The following AARS2 variants were observed in gnomAD, a reference collection of about 807,000 sequenced individuals.
AARS2 encodes alanine--tRNA ligase, mitochondrial.
AARS2 carries 78 observed loss-of-function variants against 119.7 expected under a neutral mutation model. The observed-to-expected ratio is 0.65, with a 90% CI of 0.54 to 0.79. The LOEUF (loss-of-function observed/expected upper bound fraction) is 0.79, where lower values mean the gene tolerates loss of function less well. AARS2 is among the 30% of genes least tolerant of loss of function. AARS2 has a pLI of 0.00. For missense variants in AARS2, 1,157 were observed against 1,291.3 expected (o/e 0.90, Z 1.59); for synonymous variants, 502 against 526.3 (o/e 0.95, Z 0.63).
chr6:44,313,246 G>A lies in AARS2; in HGVS notation c.78C>T (p.Ser26=). 6.3e-7 allele frequency: 1 copy of A among 1,581,252 alleles called. No individual in the cohort carries two copies. The highest frequency in any genetic ancestry group is 1.1e-5 in the South Asian group (1 of 87,596). The change falls in exon 1 of 22, where the codon AGC becomes AGT. Residue 26 remains serine, a synonymous_variant. Coordinates refer to ENST00000244571, the MANE Select transcript of AARS2 (RefSeq NM_020745.4). ...IRRSPAWRGL[S]HRPLSSEPPA... Reference sequence around the variant, plus strand: ...GGGGCTCCGATGAGAGCGGCCGATGGCTGAGGCCCCGCCATGCGGGCGACC... The same window carrying A: ...GGGGCTCCGATGAGAGCGGCCGATGACTGAGGCCCCGCCATGCGGGCGACC...
At position 44,300,580 on chromosome 6, in the gene AARS2, A is replaced by G. The variant is rs1561936045; in HGVS notation, c.2925T>C (p.Ser975=). 4.3e-6 allele frequency: 7 copies of G among 1,614,026 alleles called. No homozygotes were observed. Among genetic ancestry groups the G allele is most frequent in the East Asian group, 2.2e-5 (1 of 44,870 alleles). The change falls in exon 22 of 22, where the codon AGT becomes AGC. Residue 975 remains serine, a synonymous_variant. Coordinates refer to ENST00000244571, the MANE Select transcript of AARS2 (RefSeq NM_020745.4). ...GGCTGAGGGCATAGGTTTGGGCTATACTGAGGGCAGCTTCCAGGTCAGTAG... is the reference window on the plus strand; with the variant it reads ...GGCTGAGGGCATAGGTTTGGGCTATGCTGAGGGCAGCTTCCAGGTCAGTAG... ...GSTTDLEAAL[S]IAQTYALSQL is the part of the protein sequence containing the mutation.
At position 44,313,310 on chromosome 6, in the gene AARS2, A is replaced by G. The variant is rs762716378; in HGVS notation, c.14T>C (p.Val5Ala). The G allele has an allele frequency of 1.9e-6, 3 of 1,601,940 alleles. No homozygotes were observed. In the East Asian group the frequency reaches 6.7e-5, roughly 36 times the overall value. ...CCGCAGCCTCCGGGCTGCAGCTGCC[A>G]CTGACGCTGCCATCGTAGCTCCGGG... The part of the protein sequence containing the change: MAAS[V>A]AAAARRLRRA... The change falls in exon 1 of 22, where the codon GTG (valine) becomes GCG (alanine). Residue 5 changes from valine (V) to alanine (A), a missense_variant. Val to Ala is a moderately conservative substitution (Grantham distance 64). Coordinates refer to ENST00000244571, the MANE Select transcript of AARS2 (RefSeq NM_020745.4).
Position 44,302,100 on chromosome 6 carries a change from C to T in AARS2, c.2558G>A (p.Arg853Gln), listed in dbSNP as rs757317226. Residue 853 changes from arginine (R) to glutamine (Q), a missense_variant, in exon 19 of 22, where the codon CGG (arginine) becomes CAG (glutamine). Physicochemically the swap from Arg to Gln is conservative, Grantham distance 43. Coordinates refer to ENST00000244571, the MANE Select transcript of AARS2 (RefSeq NM_020745.4). ...CTTACGGATGGCAGTGTTGGCACGC[C>T]GCTGCAGCATCTTCACTGTGGCCAG... ...ELLATVKMLQ[R>Q]RANTAIRKLQ... 76 of 1,613,896 alleles carry T rather than the reference C, an allele frequency of 4.7e-5. No homozygotes were observed. Among genetic ancestry groups the T allele is most frequent in the Non-Finnish European group, 5.6e-5 (66 of 1,180,036 alleles).
At chr6:44,300,981 TG>T in intron 21 of AARS2, 174 bp downstream of exon 21, 2 of 726,258 alleles carry the variant, frequency 2.8e-6, no homozygotes, top group Non-Finnish European at 4.5e-6. Flanking sequence ...CCTTCTGGGG[TG>T]GGGAGGGGCT....
At position 44,302,411 on chromosome 6, in the gene AARS2, C is replaced by G. The variant is rs1211490938; in HGVS notation, c.2467G>C (p.Asp823His). 1 of 1,613,988 alleles carries G rather than the reference C, an allele frequency of 6.2e-7. No homozygotes were observed. The highest frequency in any genetic ancestry group is 8.5e-7 in the Non-Finnish European group (1 of 1,180,024). ...CTCACTTCAATGAGTCGTCCTATGTCCTTGGACAGCCTCAGTGCCTCCGCC... is the reference window on the plus strand; with the variant it reads ...CTCACTTCAATGAGTCGTCCTATGTGCTTGGACAGCCTCAGTGCCTCCGCC... The part of the protein sequence containing the change: ...DVAEALRLSK[D>H]IGRLIEAVET... Residue 823 changes from aspartate to histidine, a missense_variant, in exon 18 of 22, where the codon GAC becomes CAC. Transcript: ENST00000244571.
rs780710015 is a variant in AARS2 at position 44,307,350 on chromosome 6, G to A, written c.939C>T (p.Asp313=). ...GGTACGCTGTGTCTGTGCGCCCCTC[G>A]TCTGCCACCCCTACTCGGCCCAAGT... The part of the protein sequence containing the change: ...PPYLGRVGVA[D]EGRTDTAYRV... The change falls in exon 6 of 22, where the codon GAC becomes GAT. Residue 313 remains aspartate (D), a synonymous_variant. Coordinates refer to ENST00000244571, the MANE Select transcript of AARS2 (RefSeq NM_020745.4). This position sits in a 1 kb window ranked among gnomAD's most constrained non-coding sequence, Gnocchi z 4.4. 1.9e-6 allele frequency: 3 copies of A among 1,611,300 alleles called. No homozygotes were observed. The highest frequency in any genetic ancestry group is 2.2e-5 in the East Asian group (1 of 44,798).
chr6:44,309,061 C>T (rs1786122528), intron 5 of AARS2, among the ~76,000 whole-genome samples: 1 of 152,210 alleles, frequency 6.6e-6, no homozygotes, highest in South Asian at 2.1e-4. Context: ...TGTTTCCCAT[C>T]AAGGGACAGA....
At position 44,303,152 on chromosome 6, in the gene AARS2, C is replaced by T; in HGVS notation, c.2169G>A (p.Val723=). ...GGGCCACGGGCACCCCCACTGATAC[C>T]ACCCGCACAGGGTCTGGGTAAACCT... The part of the protein sequence containing the change: ...LDEVYPDPVR[V]VSVGVPVAHA... The change falls in exon 16 of 22, where the codon GTG becomes GTA. Residue 723 remains valine (V), a synonymous_variant. Transcript: ENST00000244571. 1 of 1,614,208 alleles carries T rather than the reference C, an allele frequency of 6.2e-7. No individual in the cohort carries two copies. Among genetic ancestry groups the T allele is most frequent in the Non-Finnish European group, 8.5e-7 (1 of 1,180,044 alleles).
intron 1 of AARS2, among the ~76,000 whole-genome samples, 174 bp downstream of exon 1, chr6:44,312,907 A>T (rs183810876): frequency 6.6e-6 from 1 of 152,076 alleles, no homozygotes; most frequent in Non-Finnish European, 1.5e-5. Context: ...GCCCTCCCCA[A>T]GCCCTCCCTA....
intron 14 of AARS2, 136 bp downstream of exon 14, chr6:44,304,045 C>T (rs1161138613): frequency 1.5e-6 from 2 of 1,319,666 alleles, no homozygotes; most frequent in Non-Finnish European, 1.1e-6. Context: ...AAAGGACTTG[C>T]CCAGGGTCCC....
chr6:44,311,038 G>T lies in AARS2; in HGVS notation c.705C>A (p.Pro235=), dbSNP rs1358890634. Residue 235 remains proline, a synonymous_variant, in exon 4 of 22, where the codon CCC becomes CCA. Coordinates refer to ENST00000244571, the MANE Select transcript of AARS2 (RefSeq NM_020745.4). ...CCAGGTTCCAAAGCTCTACCAGCTG[G>T]GGGGCTCCCACCCCACCAGCAAGGT... ...HYDLAGGVGA[P]QLVELWNLVF... The T allele has an allele frequency of 6.2e-7, 1 of 1,613,876 alleles. No individual in the cohort carries two copies. The highest frequency in any genetic ancestry group is 1.1e-5 in the South Asian group (1 of 91,078).
chr6:44,309,313 T>A (rs1232155131), intron 5 of AARS2, among the ~76,000 whole-genome samples: 2 of 152,048 alleles, frequency 1.3e-5, no homozygotes, highest in African/African-American at 4.8e-5. Context: ...GCCTCTCAGC[T>A]CACCACAGAT....
intron 1 of AARS2, among the ~76,000 whole-genome samples, chr6:44,312,698 T>C (rs1786471092): frequency 6.6e-6 from 1 of 152,180 alleles, no homozygotes; most frequent in African/African-American, 2.4e-5. Context: ...CAATGAAGTC[T>C]AGAAAAGATG....
In AARS2 at chr6:44,300,587, G is replaced by T; in HGVS notation, c.2918C>A (p.Ala973Asp). The T allele has an allele frequency of 6.2e-7, 1 of 1,614,100 alleles. No individual in the cohort carries two copies. The highest frequency in any genetic ancestry group is 8.5e-7 in the Non-Finnish European group (1 of 1,180,036). Residue 973 changes from alanine (A) to aspartate (D), a missense_variant, in exon 22 of 22, where the codon GCC (alanine) becomes GAC (aspartate). Ala to Asp is a moderately radical substitution (Grantham distance 126). Transcript: ENST00000244571. ...GTGSTTDLEAALSIAQTYALS... is the reference protein window; with the variant it reads ...GTGSTTDLEADLSIAQTYALS... ...GGCATAGGTTTGGGCTATACTGAGG[G>T]CAGCTTCCAGGTCAGTAGTGCTTCC...
At position 44,300,466 on chromosome 6, in the gene AARS2, A is replaced by C; in HGVS notation, c.*81T>G. 6.3e-7 allele frequency: 1 copy of C among 1,594,622 alleles called. No individual in the cohort carries two copies. The highest frequency in any genetic ancestry group is 8.6e-7 in the Non-Finnish European group (1 of 1,164,168). Reference sequence around the variant, plus strand: ...GCCTCCAGCCTCTAGTCCTCGCTTCAGCATGTGGGAAGGTTCTGCTGGCTC... The same window carrying C: ...GCCTCCAGCCTCTAGTCCTCGCTTCCGCATGTGGGAAGGTTCTGCTGGCTC... On this transcript the variant is annotated 3_prime_UTR_variant, in exon 22 of 22. Coordinates refer to ENST00000244571, the MANE Select transcript of AARS2 (RefSeq NM_020745.4).
At chr6:44,306,413 T>G in intron 8 of AARS2, 22 bp from the exon 9 acceptor site, 1 of 1,613,800 alleles carries the variant, frequency 6.2e-7, no homozygotes, top group Non-Finnish European at 8.5e-7. Context: ...AGAGAAGAAG[T>G]GGAGCTGGGT....
At chr6:44,304,066 G>A (rs1179997026) in intron 14 of AARS2, 115 bp downstream of exon 14, 8 of 1,482,420 alleles carry the variant, frequency 5.4e-6, no homozygotes, top group Non-Finnish European at 7.4e-6. Flanking sequence ...ATAGTGATTG[G>A]GTGGCCGTGC....
In AARS2 at chr6:44,300,686, T is replaced by C; in HGVS notation, c.2819A>G (p.Glu940Gly). 6.2e-7 allele frequency: 1 copy of C among 1,613,422 alleles called. No individual in the cohort carries two copies. Among genetic ancestry groups the C allele is most frequent in the South Asian group, 1.1e-5 (1 of 91,088 alleles). The change falls in exon 22 of 22, where the codon GAG becomes GGG. Residue 940 changes from glutamate to glycine, a missense_variant. Coordinates refer to ENST00000244571, the MANE Select transcript of AARS2 (RefSeq NM_020745.4). ...AQGAMPTFTA[E>G]AWALAVCSHM... ...GCTGCACACTGCCAGTGCCCAGGCC[T>C]CTGCTGTGAAGGTGGGCATGGCACC... is the stretch of plus-strand genomic sequence containing the variant.
Position 44,312,155 on chromosome 6 carries a change from G to C in AARS2, c.352C>G (p.Leu118Val), listed in dbSNP as rs186740566. The change falls in exon 2 of 22, where the codon CTG (leucine) becomes GTG (valine). Residue 118 changes from leucine (L) to valine (V), a missense_variant. Physicochemically the swap from Leu to Val is conservative, Grantham distance 32. Transcript: ENST00000244571. ...CVRAGGHHND[L>V]EDVGRDLSHH... ...GAAAGGTCTCGACCCACATCTTCCA[G>C]GTCGTTATGGTGTCCTCCAGCTCTC... is the stretch of plus-strand genomic sequence containing the variant. 1.7e-5 allele frequency: 28 copies of C among 1,614,256 alleles called. No individual in the cohort carries two copies. In the African/African-American group the frequency reaches 2.5e-4, roughly 15 times the overall value.
Sources: allele counts gnomAD v4.1 joint callset (sites outside exome capture counted in the v4.1 genomes callset), GRCh38; gene constraint gnomAD v4.1.1; non-coding constraint Gnocchi (gnomAD v3.1); transcripts MANE v1.5; gene names NCBI Gene and HGNC (gene_info 2026-07-23, HGNC 2026-07-21).